Variants in SDK2 observed in about 807,000 individuals in gnomAD.
SDK2 encodes the protein sidekick cell adhesion molecule 2.
In SDK2, 105 loss-of-function variants were observed where a neutral mutation model predicts 253.9. The ratio of observed to expected loss-of-function variants is 0.41; its 90% CI spans 0.35 to 0.49. The LOEUF (loss-of-function observed/expected upper bound fraction) is 0.49. SDK2 is among the 20% of genes least tolerant of loss of function. SDK2 has a pLI of 0.06. For missense variants in SDK2, 2,608 were observed against 3,003.0 expected (o/e 0.87, Z 3.07); for synonymous variants, 1,249 against 1,234.9 (o/e 1.01, Z -0.24).
intron 18 of SDK2, among the ~76,000 whole-genome samples, chr17:73,406,941 T>G (rs1270667954): frequency 1.3e-5 from 2 of 152,166 alleles, no homozygotes; most frequent in African/African-American, 4.8e-5. Context: ...TCTGAAACTG[T>G]TGTGTGTGTT....
intron 1 of SDK2, among the ~76,000 whole-genome samples, chr17:73,526,198 G>C (rs1488386721): frequency 6.6e-6 from 1 of 152,206 alleles, no homozygotes; most frequent in African/African-American, 2.4e-5. Context: ...GCAAGGAACG[G>C]TGGCTTCTGG....
intron 24 of SDK2, among the ~76,000 whole-genome samples, chr17:73,396,561 T>G (rs1273720474): frequency 6.6e-6 from 1 of 152,170 alleles, no homozygotes; most frequent in Non-Finnish European, 1.5e-5. Flanking sequence ...CCAAAGACCA[T>G]TAAGATAGCA....
intron 22 of SDK2, 54 bp from the exon 23 acceptor site, chr17:73,398,483 G>A (rs1389388519): frequency 2.0e-6 from 3 of 1,476,260 alleles, no homozygotes; most frequent in Non-Finnish European, 1.9e-6. Context: ...CACACGGGGT[G>A]CTCCGAGCCC....
At chr17:73,401,838 G>T in intron 19 of SDK2, 86 bp from the exon 20 acceptor site, 3 of 1,412,888 alleles carry the variant, frequency 2.1e-6, no homozygotes, top group Non-Finnish European at 9.7e-7. Flanking sequence ...GTGGTAATCT[G>T]GGGGTATCTC....
chr17:73,579,145 A>G (rs986726292), intron 1 of SDK2, among the ~76,000 whole-genome samples: 5 of 151,288 alleles, frequency 3.3e-5, no homozygotes, highest in African/African-American at 4.9e-5. Context: ...CTATTGCTGC[A>G]CGTCTGGCCT....
intron 1 of SDK2, among the ~76,000 whole-genome samples, chr17:73,556,390 T>G (rs988681571): frequency 1.3e-5 from 2 of 152,216 alleles, no homozygotes; most frequent in Non-Finnish European, 2.9e-5. Context: ...GAGCTCACTT[T>G]ATCCAGATGG....
At position 73,437,429 on chromosome 17, in the gene SDK2, C is replaced by T. The variant is rs186630317; in HGVS notation, c.1000+310G>A. On this transcript the variant is annotated intron_variant, in intron 8 of 44. Transcript: ENST00000392650. The stretch of plus-strand genomic sequence containing the variant: ...CCGGGGGCTGCTGGTTCTGGCATTA[C>T]GGTAATTTGTCATTGTCTACAGCTC... Among the ~76,000 whole-genome samples the T allele has an allele frequency of 6.3e-4, 96 of 152,174 alleles. 1 individual carries two copies. Among genetic ancestry groups the T allele is most frequent in the African/African-American group, 2.2e-3 (93 of 41,508 alleles).
intron 1 of SDK2, chr17:73,516,846 C>A (rs1464150566): frequency 6.6e-6 from 1 of 152,236 alleles, no homozygotes; most frequent in Non-Finnish European, 1.5e-5. Context: ...AACGGATCAT[C>A]AATTTGTTTG....
intron 44 of SDK2, among the ~76,000 whole-genome samples, chr17:73,345,042 G>A (rs963380598): frequency 2.0e-5 from 3 of 152,220 alleles, no homozygotes; most frequent in African/African-American, 7.2e-5. Flanking sequence ...GACTTGGCCG[G>A]GTGCGGTGGC....
At chr17:73,583,689 T>A (rs956211633) in intron 1 of SDK2, among the ~76,000 whole-genome samples, 3 of 116,082 alleles carry the variant, frequency 2.6e-5, no homozygotes, top group Non-Finnish European at 5.5e-5. Flanking sequence ...GGAGGGAAGA[T>A]GCAGGGCCAA....
At chr17:73,409,258 A>C (rs1170036270) in intron 18 of SDK2, among the ~76,000 whole-genome samples, 1 of 152,178 alleles carries the variant, frequency 6.6e-6, no homozygotes, top group Non-Finnish European at 1.5e-5. Context: ...AGGTGGGTGG[A>C]TCATTTGAGG....
chr17:73,421,702 C>T (rs909954094), intron 15 of SDK2, among the ~76,000 whole-genome samples: 6 of 69,956 alleles, frequency 8.6e-5, no homozygotes, highest in Admixed American at 2.0e-4. Flanking sequence ...GCTGGGATTA[C>T]AGGCGCCCAC....
chr17:73,531,483 G>A (rs79901695), intron 1 of SDK2, among the ~76,000 whole-genome samples: 4,871 of 152,112 alleles, frequency 0.032, 212 homozygotes, highest in African/African-American at 0.096. Flanking sequence ...CTGGTCCACC[G>A]TTGGCATTCA....
At chr17:73,471,557 C>A (rs2063651067) in intron 3 of SDK2, among the ~76,000 whole-genome samples, 1 of 152,172 alleles carries the variant, frequency 6.6e-6, no homozygotes, top group South Asian at 2.1e-4. Context: ...AAGATTGCAC[C>A]ACTGAACTCC....
At position 73,385,837 on chromosome 17, in the gene SDK2, T is replaced by G. The variant is rs750288871; in HGVS notation, c.4569+10A>C. 1 of 1,601,528 alleles carries G rather than the reference T, an allele frequency of 6.2e-7. No homozygotes were observed. Among genetic ancestry groups the G allele is most frequent in the East Asian group, 2.2e-5 (1 of 44,478 alleles). The stretch of plus-strand genomic sequence containing the variant: ...GTCTTCACGGAGGTTTCCTGCCCGC[T>G]GGGCCATACCTGCCATCGGATTAGC... On this transcript the variant is annotated intron_variant, in intron 32 of 44. Coordinates refer to ENST00000392650, the MANE Select transcript of SDK2 (RefSeq NM_001144952.2).
At chr17:73,557,638 ATCCTCC>A (rs914114405) in intron 1 of SDK2, among the ~76,000 whole-genome samples, 1 of 150,514 alleles carries the variant, frequency 6.6e-6, no homozygotes. Context: ...TCTTCTTCCC[ATCCTCC>A]TCCTCCTCCT....
At position 73,559,431 on chromosome 17, in the gene SDK2, T is replaced by C. The variant is rs12600436; in HGVS notation, c.65-51834A>G. ...AGACGATATAACAATTACATTGTAATGTGTATTATAATTCTTTTTGCGGGC... is the reference window on the plus strand; with the variant it reads ...AGACGATATAACAATTACATTGTAACGTGTATTATAATTCTTTTTGCGGGC... On this transcript the variant is annotated intron_variant, in intron 1 of 44. Coordinates refer to ENST00000392650, the MANE Select transcript of SDK2 (RefSeq NM_001144952.2). Among the ~76,000 whole-genome samples the C allele has an allele frequency of 9.8e-4, 150 of 152,330 alleles. 1 individual carries two copies. The East Asian group carries it at 0.021, about 21-fold the overall frequency.
chr17:73,471,986 G>A (rs1055156010), intron 3 of SDK2, 126 bp downstream of exon 3: 33 of 687,562 alleles, frequency 4.8e-5, no homozygotes, highest in Non-Finnish European at 8.1e-5. Flanking sequence ...GCTGGAAGGG[G>A]CACCATGGGC....
chr17:73,369,121 C>T (rs1298211075), intron 36 of SDK2: 1 of 470,716 alleles, frequency 2.1e-6, no homozygotes, highest in Non-Finnish European at 4.4e-6. Context: ...GGGCATGGCC[C>T]CCAAGTGTCT....
Sources: gnomAD v4.1 joint callset for allele counts (sites outside exome capture counted in the v4.1 genomes callset) on GRCh38, gnomAD v4.1.1 for gene constraint, MANE v1.5 for transcripts, NCBI Gene and HGNC (gene_info 2026-07-23, HGNC 2026-07-21) for gene names.